MRPL45: variants seen among roughly 807,000 people sequenced by gnomAD.
MRPL45 encodes the protein large ribosomal subunit protein mL45.
In MRPL45, 20 loss-of-function variants were observed where a neutral mutation model predicts 38.1. The observed-to-expected ratio is 0.53, with a 90% CI of 0.37 to 0.76. MRPL45 has a LOEUF of 0.76. Among genes scored for constraint, MRPL45 ranks in the 30% least tolerant of loss-of-function variants. The pLI is 0.00. For missense variants in MRPL45, 337 were observed against 395.6 expected (o/e 0.85, Z 1.26); for synonymous variants, 105 against 128.8 (o/e 0.82, Z 1.25).
chr17:38,303,029 T>C (rs2037014606), intron 3 of MRPL45, among the ~76,000 whole-genome samples: 1 of 151,478 alleles, frequency 6.6e-6, no homozygotes, highest in African/African-American at 2.4e-5. Flanking sequence ...TATTAATTGA[T>C]TTTCAAATAT....
chr17:38,302,506 G>GTTT (rs1187786944), intron 3 of MRPL45, among the ~76,000 whole-genome samples: 26 of 39,050 alleles, frequency 6.7e-4, no homozygotes, highest in South Asian at 1.5e-3. Context: ...AAAAAAAAAA[G>GTTT]TTTGTTTTTT....
At position 38,318,388 on chromosome 17, in the gene MRPL45, A is replaced by G. The variant is rs533921956; in HGVS notation, c.462-299A>G. Among the ~76,000 whole-genome samples, 6 of 152,046 alleles carry G rather than the reference A, an allele frequency of 3.9e-5. No individual in the cohort carries two copies. In the East Asian group the frequency reaches 9.6e-4, roughly 24 times the overall value. On this transcript the variant is annotated intron_variant, in intron 4 of 7. Transcript: ENST00000613675. Reference sequence around the variant, plus strand: ...GTGAGGGTACCCATCTTAAGGATATATGGTAATTTTAGAGAAATTGCCTCC... The same window carrying G: ...GTGAGGGTACCCATCTTAAGGATATGTGGTAATTTTAGAGAAATTGCCTCC...
At chr17:38,305,428 C>T (rs1037073677) in intron 3 of MRPL45, among the ~76,000 whole-genome samples, 31 of 145,932 alleles carry the variant, frequency 2.1e-4, no homozygotes, top group Admixed American at 2.0e-3. Context: ...GATTGCGCCA[C>T]TGTACTCCAG....
rs778115282 is a variant in MRPL45 at position 38,320,758 on chromosome 17, C to T, written c.651C>T (p.His217=). The part of the protein sequence containing the change: ...NVYGQITVRM[H]TRQTLAIYDR... ...ACGGCCAGATCACCGTACGCATGCA[C>T]ACCCGGCAGGTAGAGGCACTCGTCT... Residue 217 remains histidine (H), a synonymous_variant, in exon 6 of 8, where the codon CAC becomes CAT. Transcript: ENST00000613675. 9.3e-6 allele frequency: 15 copies of T among 1,613,890 alleles called. No homozygotes were observed. The highest frequency in any genetic ancestry group is 5.9e-6 in the Non-Finnish European group (7 of 1,180,028).
intron 4 of MRPL45, among the ~76,000 whole-genome samples, chr17:38,313,307 A>ATAT: frequency 1.1e-4 from 2 of 18,996 alleles, no homozygotes; most frequent in Admixed American, 8.0e-4. Context: ...TAAAAAAAAA[A>ATAT]AAAAATATAT....
Position 38,322,709 on chromosome 17 carries a change from T to C in MRPL45, c.*114T>C. 3.9e-6 allele frequency: 3 copies of C among 767,054 alleles called. No homozygotes were observed. The highest frequency in any genetic ancestry group is 2.7e-5 in the Admixed American group (1 of 37,068). The allele number at this position is 767,054 out of a possible 1,614,324, so 47.5% of individuals were successfully genotyped here. ...CTACCTTTGTTCTCTCCCATCCTGC[T>C]CAGGTCTTTTCAGCAGTCTCATCAT... On this transcript the variant is annotated 3_prime_UTR_variant, in exon 8 of 8. Transcript: ENST00000613675.
intron 2 of MRPL45, 52 bp from the exon 3 acceptor site, chr17:38,299,299 G>C: frequency 7.8e-7 from 1 of 1,279,270 alleles, no homozygotes; most frequent in Non-Finnish European, 1.1e-6. Flanking sequence ...AATTTTATGA[G>C]TTTTTCTCAA....
At chr17:38,320,339 G>C (rs1199237060) in intron 5 of MRPL45, among the ~76,000 whole-genome samples, 1 of 152,214 alleles carries the variant, frequency 6.6e-6, no homozygotes, top group African/African-American at 2.4e-5. Flanking sequence ...CATGCTGGCA[G>C]TTTGGAATGT....
At chr17:38,306,412 A>G in intron 3 of MRPL45, 121 bp from the exon 4 acceptor site, 1 of 1,238,848 alleles carries the variant, frequency 8.1e-7, no homozygotes, top group Non-Finnish European at 1.1e-6. Flanking sequence ...CAAAAAAAGA[A>G]AAAAAAAAAA....
chr17:38,320,634 T>C lies in MRPL45; in HGVS notation c.527T>C (p.Ile176Thr). ...TGCCCTTAGGACATGACTTGGGACA[T>C]CAAATATAAGACCGTCCGCTGGAGC... ...EHCFPDMTWDIKYKTVRWSFV... is the reference protein window; with the variant it reads ...EHCFPDMTWDTKYKTVRWSFV... The change falls in exon 6 of 8, where the codon ATC becomes ACC. Residue 176 changes from isoleucine to threonine, a missense_variant. Ile to Thr is a moderately conservative substitution (Grantham distance 89, BLOSUM62 -1). Coordinates refer to ENST00000613675, the MANE Select transcript of MRPL45 (RefSeq NM_032351.6). 6.2e-7 allele frequency: 1 copy of C among 1,614,192 alleles called. No individual in the cohort carries two copies. Among genetic ancestry groups the C allele is most frequent in the Non-Finnish European group, 8.5e-7 (1 of 1,180,044 alleles).
rs369403551 is a variant in MRPL45, at chr17:38,297,212, C to T, written c.29C>T (p.Ser10Phe). The change falls in exon 1 of 8, where the codon TCT becomes TTT. Residue 10 changes from serine (S) to phenylalanine (F), a missense_variant. By Grantham distance (155) the Ser-to-Phe change is radical. Coordinates refer to ENST00000613675, the MANE Select transcript of MRPL45 (RefSeq NM_032351.6). Reference protein sequence around the residue: MAAPIPQGFSCLSRFLGWWS... With the variant: MAAPIPQGFFCLSRFLGWWS... Reference sequence around the variant, plus strand: ...GCAGCCCCCATACCTCAAGGGTTCTCTTGTTTATCGAGGTTTTTGGGCTGG... The same window carrying T: ...GCAGCCCCCATACCTCAAGGGTTCTTTTGTTTATCGAGGTTTTTGGGCTGG... 6.2e-7 allele frequency: 1 copy of T among 1,614,218 alleles called. No homozygotes were observed.
chr17:38,318,825 TTC>T (rs2037200685), intron 5 of MRPL45, 90 bp downstream of exon 5: 122 of 33,406 alleles, frequency 3.7e-3, no homozygotes, highest in Admixed American at 0.013. Flanking sequence ...TTCTTTTCTT[TTC>T]TTTTTTTTTT....
At chr17:38,310,624 T>G (rs2144220863) in intron 4 of MRPL45, among the ~76,000 whole-genome samples, 1 of 152,120 alleles carries the variant, frequency 6.6e-6, no homozygotes, top group Admixed American at 6.6e-5. Flanking sequence ...CCACTGCACC[T>G]GGCCTTGTTT....
intron 5 of MRPL45, among the ~76,000 whole-genome samples, chr17:38,318,997 T>TTTTTTTTA (rs1432367126): frequency 3.1e-5 from 4 of 127,462 alleles, no homozygotes; most frequent in South Asian, 2.6e-4. Flanking sequence ...CCAGCTAATT[T>TTTTTTTTA]TTTATTTATT....
chr17:38,299,660 G>A (rs1214183685), intron 3 of MRPL45, among the ~76,000 whole-genome samples, 192 bp downstream of exon 3: 1 of 151,134 alleles, frequency 6.6e-6, no homozygotes, highest in African/African-American at 2.4e-5. Context: ...CAGCATCCCT[G>A]CCTTTATTGG....
intron 6 of MRPL45, among the ~76,000 whole-genome samples, chr17:38,321,705 A>T (rs2037231277): frequency 6.6e-6 from 1 of 150,984 alleles, no homozygotes; most frequent in Non-Finnish European, 1.5e-5. Context: ...AAAAAAATTT[A>T]AAAAGATTTT....
chr17:38,318,776 G>A, intron 5 of MRPL45, 41 bp downstream of exon 5: 1 of 1,405,662 alleles, frequency 7.1e-7, no homozygotes, highest in South Asian at 1.2e-5. Context: ...GTGACTGAGT[G>A]GGCAGATTCT....
intron 1 of MRPL45, 31 bp downstream of exon 1, chr17:38,297,280 G>A (rs746122581): frequency 6.3e-7 from 1 of 1,598,606 alleles, no homozygotes; most frequent in East Asian, 2.2e-5. Context: ...TAGGACCCTA[G>A]GGGCTACAGG....
At chr17:38,300,730 T>C (rs1290169252) in intron 3 of MRPL45, among the ~76,000 whole-genome samples, 2 of 152,022 alleles carry the variant, frequency 1.3e-5, no homozygotes, top group African/African-American at 4.8e-5. Context: ...GCGGATCACC[T>C]GAGGTCAGGA....
Sources: allele counts gnomAD v4.1 joint callset (sites outside exome capture counted in the v4.1 genomes callset), GRCh38; gene constraint gnomAD v4.1.1; transcripts MANE v1.5; gene names NCBI Gene and HGNC (gene_info 2026-07-23, HGNC 2026-07-21).